The following RGS18 variants were observed in gnomAD, a reference collection of about 807,000 sequenced individuals.
The protein encoded by RGS18 is regulator of G protein signaling 18, also known as regulator of G-protein signaling 18.
A neutral mutation model predicts 27.6 loss-of-function variants in RGS18; 22 were observed. That is an observed-to-expected ratio of 0.80 (90% CI 0.57 to 1.14). The LOEUF is 1.14. Among genes scored for constraint, RGS18 ranks in the 50% most tolerant of loss-of-function variants. RGS18 has a pLI of 0.00. For missense variants in RGS18, 299 were observed against 269.6 expected, an observed-to-expected ratio of 1.11 and a Z score of -0.76; for synonymous variants, 89 against 84.6, an observed-to-expected ratio of 1.05 and a Z score of -0.29.
chr1:192,178,952 A>G (rs904711534), intron 3 of RGS18, among the ~76,000 whole-genome samples: 10 of 151,604 alleles, frequency 6.6e-5, no homozygotes, highest in African/African-American at 2.4e-4. Context: ...AAAGGAGTTC[A>G]GGAAAAATGT....
At position 192,181,459 on chromosome 1, in the gene RGS18, G is replaced by T. The variant is rs1553229862; in HGVS notation, c.450+1G>T. ...TATACAGACTGATGCCCCAAAAGAG[G>T]TACAGTAAAGATAACTGTAAAAATG... On this transcript the variant is annotated splice_donor_variant, in intron 4 of 4. Transcript: ENST00000367460. LOFTEE classifies it high-confidence loss of function. The T allele has an allele frequency of 2.0e-6, 3 of 1,516,258 alleles. No individual in the cohort carries two copies. The Admixed American group carries it at 7.3e-5, about 37-fold the overall frequency. The allele number at this position is 1,516,258 out of a possible 1,614,324, so 93.9% of individuals were successfully genotyped here. A position where few individuals can be genotyped will look rare whatever the true frequency, so the allele number is the denominator to read the frequency against.
intron 3 of RGS18, among the ~76,000 whole-genome samples, chr1:192,171,715 C>T (rs1038072996): frequency 9.9e-5 from 15 of 151,970 alleles, no homozygotes; most frequent in African/African-American, 3.1e-4. Context: ...ATTTCCTAAA[C>T]AGTAAGTTCC....
At position 192,160,432 on chromosome 1, in the gene RGS18, C is replaced by T; in HGVS notation, c.276C>T (p.Ser92=). The part of the protein sequence containing the change: ...KWGESFDKLL[S]HRDGLEAFTR... Reference sequence around the variant, plus strand: ...GTGAATCATTTGACAAACTGCTTTCCCATAGAGGTTAGTGGTACTTTCACC... The same window carrying T: ...GTGAATCATTTGACAAACTGCTTTCTCATAGAGGTTAGTGGTACTTTCACC... Residue 92 remains serine (S), a synonymous_variant, in exon 3 of 5, where the codon TCC becomes TCT. Coordinates refer to ENST00000367460, the MANE Select transcript of RGS18 (RefSeq NM_130782.3). 6.2e-7 allele frequency: 1 copy of T among 1,608,584 alleles called. No individual in the cohort carries two copies. Among genetic ancestry groups the T allele is most frequent in the Non-Finnish European group, 8.5e-7 (1 of 1,175,268 alleles).
chr1:192,184,649 T>A lies in RGS18; in HGVS notation c.*95T>A. 7 of 1,155,302 alleles carry A rather than the reference T, an allele frequency of 6.1e-6. No homozygotes were observed. The highest frequency in any genetic ancestry group is 7.4e-6 in the Non-Finnish European group (6 of 815,364). 71.6% of individuals were successfully genotyped at this position (1,155,302 alleles called of 1,614,324 possible). A position where few individuals can be genotyped will look rare whatever the true frequency, so the allele number is the denominator to read the frequency against. On this transcript the variant is annotated 3_prime_UTR_variant, in exon 5 of 5. Transcript: ENST00000367460. ...TAAGATTTGGTCCCATCCTTTAAAC[T>A]GAAATATGTCATGTGAAATTATTTT... is the stretch of plus-strand genomic sequence containing the variant.
At position 192,160,370 on chromosome 1, in the gene RGS18, T is replaced by C. The variant is rs775387538; in HGVS notation, c.222-8T>C. ...ACTCCATTATAAAACATTTTGTTTC[T>C]TGTACAGAGTCTCCCCTGAAGAGGC... On this transcript the variant is annotated splice_region_variant and splice_polypyrimidine_tract_variant and intron_variant, in intron 2 of 4. Transcript: ENST00000367460. 1 of 1,604,636 alleles carries C rather than the reference T, an allele frequency of 6.2e-7. No homozygotes were observed.
chr1:192,170,506 A>G (rs1432477708), intron 3 of RGS18, among the ~76,000 whole-genome samples: 1 of 152,084 alleles, frequency 6.6e-6, no homozygotes, highest in Non-Finnish European at 1.5e-5. Flanking sequence ...AGCAGAGCTG[A>G]TGAGCCATGA....
chr1:192,184,110 C>T lies in RGS18; in HGVS notation c.451-187C>T, dbSNP rs538382436. Among the ~76,000 whole-genome samples, 7 of 151,694 alleles carry T rather than the reference C, an allele frequency of 4.6e-5. 1 individual carries two copies. In the South Asian group the frequency reaches 1.5e-3, roughly 31 times the overall value. On this transcript the variant is annotated intron_variant, in intron 4 of 4. Transcript: ENST00000367460. ...CCCCCATGATCCAATAACTGCCCAC[C>T]AGGCTCCACCTCCAATGCTGGGGAT... is the stretch of plus-strand genomic sequence containing the variant.
At chr1:192,160,830 AAC>A (rs537680293) in intron 3 of RGS18, 184 of 170,404 alleles carry the variant, frequency 1.1e-3, no homozygotes, top group African/African-American at 4.1e-3. Flanking sequence ...AACCCACATA[AAC>A]ACAGTTTTTT....
At chr1:192,170,348 G>C (rs1182996723) in intron 3 of RGS18, among the ~76,000 whole-genome samples, 1 of 152,072 alleles carries the variant, frequency 6.6e-6, no homozygotes, top group African/African-American at 2.4e-5. Context: ...GCAGTAATAA[G>C]CGAGTTATCA....
chr1:192,168,488 TA>T (rs1482700545), intron 3 of RGS18: 1 of 152,182 alleles, frequency 6.6e-6, no homozygotes, highest in African/African-American at 2.4e-5. Flanking sequence ...AGCACAAGAC[TA>T]ACCATAGTAA....
chr1:192,179,619 G>A (rs1226722508), intron 3 of RGS18, among the ~76,000 whole-genome samples: 2 of 151,514 alleles, frequency 1.3e-5, no homozygotes, highest in African/African-American at 4.8e-5. Context: ...ATATAATACA[G>A]CAACAAAGAG....
At chr1:192,161,364 C>G (rs1465399368) in intron 3 of RGS18, 2 of 152,108 alleles carry the variant, frequency 1.3e-5, no homozygotes, top group Admixed American at 6.5e-5. Flanking sequence ...GAGGCAGGCT[C>G]CCTGGATTGC....
rs548772477 is a variant in RGS18, at chr1:192,170,539, AT to A, written c.283+10101del. ...TGAGCTAAATAAATCTATGTTCTTT[AT>A]AAATTACTCAGGCTCAGGTATTCCT... On this transcript the variant is annotated intron_variant, in intron 3 of 4. Transcript: ENST00000367460. Among the ~76,000 whole-genome samples the A allele has an allele frequency of 2.6e-4, 39 of 152,212 alleles. No individual in the cohort carries two copies. In the South Asian group the frequency reaches 8.1e-3, roughly 32 times the overall value.
Position 192,160,443 on chromosome 1 carries a change from A to G in RGS18, c.283+4A>G. 1 of 1,602,290 alleles carries G rather than the reference A, an allele frequency of 6.2e-7. No individual in the cohort carries two copies. Among genetic ancestry groups the G allele is most frequent in the Non-Finnish European group, 8.6e-7 (1 of 1,169,500 alleles). On this transcript the variant is annotated splice_donor_region_variant and intron_variant, in intron 3 of 4. Coordinates refer to ENST00000367460, the MANE Select transcript of RGS18 (RefSeq NM_130782.3). The stretch of plus-strand genomic sequence containing the variant: ...GACAAACTGCTTTCCCATAGAGGTT[A>G]GTGGTACTTTCACCAAATACTTTGT...
Position 192,158,620 on chromosome 1 carries a change from C to T in RGS18, c.-18C>T, listed in dbSNP as rs1488299778. 3.3e-6 allele frequency: 5 copies of T among 1,528,878 alleles called. No homozygotes were observed. The Admixed American group carries it at 7.0e-5, about 21-fold the overall frequency. The allele number at this position is 1,528,878 out of a possible 1,614,324, so 94.7% of individuals were successfully genotyped here. A position where few individuals can be genotyped will look rare whatever the true frequency, so the allele number is the denominator to read the frequency against. Reference sequence around the variant, plus strand: ...GAAGGATGTAATAAATTAGACATCTCTTCATTTTAGAGAGAAGATGGAAAC... The same window carrying T: ...GAAGGATGTAATAAATTAGACATCTTTTCATTTTAGAGAGAAGATGGAAAC... On this transcript the variant is annotated 5_prime_UTR_variant, in exon 1 of 5. Transcript: ENST00000367460.
At chr1:192,163,048 A>T (rs1273748137) in intron 3 of RGS18, among the ~76,000 whole-genome samples, 5 of 152,140 alleles carry the variant, frequency 3.3e-5, no homozygotes, top group Non-Finnish European at 7.4e-5. Context: ...CTAAAACATA[A>T]ATGGTTGTAT....
At position 192,160,407 on chromosome 1, in the gene RGS18, G is replaced by A. The variant is rs149663006; in HGVS notation, c.251G>A (p.Gly84Asp). 2.8e-4 allele frequency: 457 copies of A among 1,612,486 alleles called. No individual in the cohort carries two copies. Among genetic ancestry groups the A allele is most frequent in the Middle Eastern group, 6.6e-4 (4 of 6,058 alleles). Residue 84 changes from glycine (G) to aspartate (D), a missense_variant, in exon 3 of 5, where the codon GGT becomes GAT. Coordinates refer to ENST00000367460, the MANE Select transcript of RGS18 (RefSeq NM_130782.3). The part of the protein sequence containing the change: ...RVSPEEAVKW[G>D]ESFDKLLSHR... ...TCCCCTGAAGAGGCAGTGAAATGGG[G>A]TGAATCATTTGACAAACTGCTTTCC...
At chr1:192,164,757 C>CA (rs1656134795) in intron 3 of RGS18, among the ~76,000 whole-genome samples, 1 of 152,156 alleles carries the variant, frequency 6.6e-6, no homozygotes, top group Admixed American at 6.5e-5. Flanking sequence ...ATTTCATGGA[C>CA]ATTTATCACT....
At chr1:192,165,470 C>T (rs1270203865) in intron 3 of RGS18, among the ~76,000 whole-genome samples, 1 of 152,156 alleles carries the variant, frequency 6.6e-6, no homozygotes, top group Non-Finnish European at 1.5e-5. Flanking sequence ...ACACTCCCTC[C>T]CCTTTGAAAA....
Sources: allele counts gnomAD v4.1 joint callset (sites outside exome capture counted in the v4.1 genomes callset), GRCh38; gene constraint gnomAD v4.1.1; transcripts MANE v1.5; gene names NCBI Gene and HGNC (gene_info 2026-07-23, HGNC 2026-07-21).